The following DPYSL2 variants were observed in gnomAD, a reference collection of about 807,000 sequenced individuals.
DPYSL2 encodes the protein dihydropyrimidinase like 2.
A neutral mutation model predicts 69.9 loss-of-function variants in DPYSL2; 13 were observed. The ratio of observed to expected loss-of-function variants is 0.19; its 90% confidence interval spans 0.12 to 0.30. DPYSL2 has a LOEUF of 0.30. Ranked by LOEUF, DPYSL2 falls within the 10% of genes least tolerant of loss-of-function variation. DPYSL2 has a pLI of 1.00. For synonymous variants in DPYSL2, 326 were observed against 359.1 expected, an observed-to-expected ratio of 0.91 and a Z score of 1.04; for missense variants, 587 against 918.9, an observed-to-expected ratio of 0.64 and a Z score of 4.67.
At chr8:26,611,171 G>C (rs1328304372) in intron 3 of DPYSL2, among the ~76,000 whole-genome samples, 1 of 152,230 alleles carries the variant, frequency 6.6e-6, no homozygotes, top group Non-Finnish European at 1.5e-5. Context: ...TGGAGCCAAA[G>C]CCCTGAGCAT....
At chr8:26,556,690 A>T (rs1800994189) in intron 1 of DPYSL2, among the ~76,000 whole-genome samples, 1 of 152,048 alleles carries the variant, frequency 6.6e-6, no homozygotes, top group African/African-American at 2.4e-5. Context: ...TTTGATCCAC[A>T]CATTAGATAC....
chr8:26,623,101 T>C (rs7829347), intron 3 of DPYSL2, among the ~76,000 whole-genome samples: 15,289 of 152,188 alleles, frequency 0.1, 814 homozygotes, highest in African/African-American at 0.13. Flanking sequence ...GTTAACTGGG[T>C]GAGAGCTCTT....
At chr8:26,612,896 G>A (rs567631390) in intron 3 of DPYSL2, among the ~76,000 whole-genome samples, 3 of 152,324 alleles carry the variant, frequency 2.0e-5, no homozygotes, top group African/African-American at 4.8e-5. Flanking sequence ...GGCAAGTCCC[G>A]TGGCCTCCAG....
Position 26,653,208 on chromosome 8 carries a change from T to TG in DPYSL2, c.1777-18dup. ...TATCCTCTGTGGCTGTGGCCTGAGC[T>TG]GGGGGGACTCTTGTGTTTTGCAGCT... On this transcript the variant is annotated intron_variant, in intron 12 of 13. Transcript: ENST00000521913. This position sits in a 1 kb window ranked among gnomAD's most constrained non-coding sequence, Gnocchi z 5.7. The TG allele has an allele frequency of 2.5e-6, 4 of 1,610,648 alleles. No homozygotes were observed. Among genetic ancestry groups the TG allele is most frequent in the African/African-American group, 1.3e-5 (1 of 74,962 alleles).
rs1452395813 is a variant in DPYSL2, at chr8:26,514,567, C to G, written c.242C>G (p.Pro81Arg). The G allele has an allele frequency of 2.0e-6, 3 of 1,527,052 alleles. No homozygotes were observed. Among genetic ancestry groups the G allele is most frequent in the South Asian group, 1.2e-5 (1 of 82,680 alleles). The allele number at this position is 1,527,052 out of a possible 1,614,324, so 94.6% of individuals were successfully genotyped here. The stretch of plus-strand genomic sequence containing the variant: ...CACTTGGGCCCGGACCCGCAGCCGC[C>G]GTACTCGCGGCAGGGCCGGCGCGCC... ...VAHLGPDPQP[P>R]YSRQGRRAGG... is the part of the protein sequence containing the mutation. The change falls in exon 1 of 14, where the codon CCG becomes CGG. Residue 81 changes from proline (P) to arginine (R), a missense_variant. Coordinates refer to ENST00000521913, the MANE Select transcript of DPYSL2 (RefSeq NM_001197293.3). The surrounding 1 kb of genome is among the most constrained non-coding windows in gnomAD (Gnocchi z 8.4).
chr8:26,592,772 C>T (rs556002211), intron 3 of DPYSL2, among the ~76,000 whole-genome samples: 4 of 152,256 alleles, frequency 2.6e-5, no homozygotes, highest in East Asian at 1.9e-4. Flanking sequence ...CCACTGTGCC[C>T]GGCCGGTACA....
chr8:26,522,783 C>T (rs1389753156), intron 1 of DPYSL2, among the ~76,000 whole-genome samples: 2 of 152,106 alleles, frequency 1.3e-5, no homozygotes, highest in Admixed American at 6.5e-5. Context: ...GATATTTTCT[C>T]CCATTCTGTG....
chr8:26,541,714 A>G (rs1339585581), intron 1 of DPYSL2, among the ~76,000 whole-genome samples: 1 of 152,212 alleles, frequency 6.6e-6, no homozygotes, highest in East Asian at 1.9e-4. Flanking sequence ...GTGTTTTTTT[A>G]TACATTTGAA....
At position 26,626,887 on chromosome 8, in the gene DPYSL2, T is replaced by G. The variant is rs1802630348; in HGVS notation, c.855+209T>G. 6.6e-6 allele frequency among the ~76,000 whole-genome samples: 1 copy of G among 152,186 alleles called. No homozygotes were observed. Among genetic ancestry groups the G allele is most frequent in the Non-Finnish European group, 1.5e-5 (1 of 68,026 alleles). ...CACTGCCACTCCGCCGCCCTGGATC[T>G]GAGGCTCTGCCCCGCACGGCGTGTG... On this transcript the variant is annotated intron_variant, in intron 5 of 13. Coordinates refer to ENST00000521913, the MANE Select transcript of DPYSL2 (RefSeq NM_001197293.3). The surrounding 1 kb of genome is among the most constrained non-coding windows in gnomAD (Gnocchi z 4.3).
chr8:26,557,800 AAACAAACAAACC>A (rs549382419), intron 1 of DPYSL2, among the ~76,000 whole-genome samples: 124 of 151,940 alleles, frequency 8.2e-4, no homozygotes, highest in African/African-American at 3.0e-3. Flanking sequence ...ACAAACAAAC[AAACAAACAAACC>A]CAGCAACAAT....
chr8:26,573,248 G>C (rs945519868), intron 1 of DPYSL2, among the ~76,000 whole-genome samples: 2 of 152,222 alleles, frequency 1.3e-5, no homozygotes, highest in Admixed American at 6.5e-5. Flanking sequence ...TTCCTGACTG[G>C]GTGTGGTGGC....
intron 1 of DPYSL2, among the ~76,000 whole-genome samples, chr8:26,523,690 T>TTGC (rs1157693288): frequency 6.6e-6 from 1 of 152,126 alleles, no homozygotes; most frequent in Non-Finnish European, 1.5e-5. Flanking sequence ...AGACAGGGTC[T>TTGC]TGCTCTGTCA....
At chr8:26,554,814 A>T (rs1013606717) in intron 1 of DPYSL2, among the ~76,000 whole-genome samples, 5 of 152,204 alleles carry the variant, frequency 3.3e-5, no homozygotes, top group East Asian at 1.9e-4. Context: ...CAAAGGCATT[A>T]TAAGAAAAGA....
chr8:26,570,044 A>G (rs1801213218), intron 1 of DPYSL2, among the ~76,000 whole-genome samples: 2 of 152,134 alleles, frequency 1.3e-5, no homozygotes. Flanking sequence ...AATAAAAGTA[A>G]AAAATTTAAA....
chr8:26,532,971 C>T (rs1800535527), intron 1 of DPYSL2, among the ~76,000 whole-genome samples: 1 of 152,194 alleles, frequency 6.6e-6, no homozygotes, highest in Non-Finnish European at 1.5e-5. Context: ...CACTACTTTA[C>T]ATTCCCATCA....
chr8:26,622,448 ATGTGTGTG>A (rs10606826), intron 3 of DPYSL2, among the ~76,000 whole-genome samples: 3 of 142,638 alleles, frequency 2.1e-5, no homozygotes, highest in Non-Finnish European at 4.6e-5. Flanking sequence ...GCCATATTGT[ATGTGTGTG>A]TGTGTGTGTG....
At chr8:26,550,507 T>C (rs1800856879) in intron 1 of DPYSL2, among the ~76,000 whole-genome samples, 1 of 152,178 alleles carries the variant, frequency 6.6e-6, no homozygotes, top group Non-Finnish European at 1.5e-5. Context: ...TCAGAGTGAA[T>C]TAAAGCAAAA....
chr8:26,536,861 T>C (rs1365557980), intron 1 of DPYSL2, among the ~76,000 whole-genome samples: 4 of 152,300 alleles, frequency 2.6e-5, no homozygotes, highest in East Asian at 1.9e-4. Flanking sequence ...AGATTCTGAA[T>C]TGCAGCTGTA....
At chr8:26,622,466 G>A (rs1802516368) in intron 3 of DPYSL2, among the ~76,000 whole-genome samples, 1 of 109,958 alleles carries the variant, frequency 9.1e-6, no homozygotes, top group Non-Finnish European at 2.1e-5. Context: ...GTGTGTGTGT[G>A]TGTGTGTATA....
Sources: gnomAD v4.1 joint callset for allele counts (sites outside exome capture counted in the v4.1 genomes callset) on GRCh38, gnomAD v4.1.1 for gene constraint, Gnocchi (gnomAD v3.1) non-coding constraint, MANE v1.5 for transcripts, NCBI Gene and HGNC (gene_info 2026-07-23, HGNC 2026-07-21) for gene names.